Variants in KLF13 observed in about 807,000 individuals in gnomAD.
KLF13 encodes Krueppel-like factor 13.
A neutral mutation model predicts 16.7 loss-of-function variants in KLF13; 8 were observed. That is an observed-to-expected ratio of 0.48 (90% CI 0.28 to 0.87). The LOEUF (loss-of-function observed/expected upper bound fraction) is 0.87, where lower values mean the gene tolerates loss of function less well. Among genes scored for constraint, KLF13 ranks in the 40% least tolerant of loss-of-function variants. The probability of loss-of-function intolerance (pLI) is 0.10; values close to 1 mark genes in which losing one functional copy is unlikely to be tolerated. For missense variants in KLF13, 447 were observed against 452.2 expected (o/e 0.99, Z 0.10); for synonymous variants, 245 against 208.4 (o/e 1.18, Z -1.51).
At chr15:31,342,415 G>A (rs1467365603) in intron 1 of KLF13, among the ~76,000 whole-genome samples, 1 of 152,230 alleles carries the variant, frequency 6.6e-6, no homozygotes, top group Non-Finnish European at 1.5e-5. Flanking sequence ...CTGAGACCCA[G>A]GCACCATGAC....
chr15:31,434,771 C>T (rs1022183280), intron 1 of KLF13, among the ~76,000 whole-genome samples: 2 of 152,222 alleles, frequency 1.3e-5, no homozygotes, highest in African/African-American at 4.8e-5. Flanking sequence ...CAGCCCACGC[C>T]TCCCTGCCCC....
chr15:31,400,606 C>T (rs147516536), intron 2 of KLF13, among the ~76,000 whole-genome samples: 2 of 151,934 alleles, frequency 1.3e-5, no homozygotes, highest in Non-Finnish European at 2.9e-5. Context: ...GGGTGAGGTG[C>T]CCTGCAGGGA....
chr15:31,355,827 CCCCAGCCCCCCATTTGTCCCCACACA>C (rs1176913793), intron 1 of KLF13, among the ~76,000 whole-genome samples: 1 of 151,832 alleles, frequency 6.6e-6, no homozygotes, highest in Non-Finnish European at 1.5e-5. Flanking sequence ...GTCCCCACAC[CCCCAGCCCCCCATTTGTCCCCACACA>C]CCCAGTGTGG....
intron 1 of KLF13, among the ~76,000 whole-genome samples, chr15:31,365,471 G>A (rs951468877): frequency 1.3e-5 from 2 of 152,150 alleles, no homozygotes; most frequent in Non-Finnish European, 2.9e-5. Flanking sequence ...AGGCCCTTGC[G>A]GCAGACGCTG....
At chr15:31,340,360 C>G (rs2039000639) in intron 1 of KLF13, among the ~76,000 whole-genome samples, 1 of 152,248 alleles carries the variant, frequency 6.6e-6, no homozygotes. Context: ...GTTGCTTGTG[C>G]ACACCCCAAG....
chr15:31,402,566 G>A (rs889985275), intron 2 of KLF13, among the ~76,000 whole-genome samples: 1 of 152,216 alleles, frequency 6.6e-6, no homozygotes, highest in African/African-American at 2.4e-5. Context: ...GCAGGGTCTC[G>A]TGCTCAGGTC....
In KLF13 at chr15:31,431,483, T is replaced by C. The variant is rs57304224; in HGVS notation, n.118-3887T>C. On this transcript the variant is annotated intron_variant and non_coding_transcript_variant, in intron 1 of 1. Transcript: ENST00000558225. ...AGCAACATGGTTAAATTTTTTTTTT[T>C]AGACAGAGTCTCCCTCTGTCGCCCA... Among the ~76,000 whole-genome samples, 948 of 152,206 alleles carry C rather than the reference T, an allele frequency of 6.2e-3. 12 individuals carry two copies. Among genetic ancestry groups the C allele is most frequent in the African/African-American group, 0.021 (891 of 41,508 alleles).
upstream of KLF13, among the ~76,000 whole-genome samples, chr15:31,392,487 C>T (rs1469816791): frequency 6.6e-6 from 1 of 152,180 alleles, no homozygotes; most frequent in South Asian, 2.1e-4. Flanking sequence ...GCGTCCTTTT[C>T]CCCCGGGTCC....
At chr15:31,428,781 C>T (rs142475801) in intron 1 of KLF13, among the ~76,000 whole-genome samples, 3,128 of 105,736 alleles carry the variant, frequency 0.03, 50 homozygotes, top group Middle Eastern at 0.096. Flanking sequence ...CTGGCCTGGG[C>T]GAAAGAGTGA....
intron 1 of KLF13, among the ~76,000 whole-genome samples, chr15:31,423,964 A>T (rs770095413): frequency 7.2e-5 from 11 of 152,212 alleles, no homozygotes; most frequent in Non-Finnish European, 1.6e-4. Context: ...TTTGAGACAA[A>T]TGCCAACAAA....
chr15:31,354,402 CAG>C (rs1285823478), intron 1 of KLF13, among the ~76,000 whole-genome samples: 1 of 152,138 alleles, frequency 6.6e-6, no homozygotes, highest in Non-Finnish European at 1.5e-5. Context: ...GTTTTTGAGA[CAG>C]AGTTACACTC....
chr15:31,335,453 GTGTGTGTGTGTGTGTGTGTGTGTA>G (rs1187951768), intron 1 of KLF13, among the ~76,000 whole-genome samples: 5 of 92,598 alleles, frequency 5.4e-5, no homozygotes, highest in East Asian at 3.6e-4. Context: ...GTGTGTGTGT[GTGTGTGTGTGTGTGTGTGTGTGTA>G]TGGTGGCGGG....
chr15:31,339,128 A>G (rs2038981417), intron 1 of KLF13, among the ~76,000 whole-genome samples: 1 of 152,136 alleles, frequency 6.6e-6, no homozygotes, highest in Non-Finnish European at 1.5e-5. Flanking sequence ...GGGTCCTCCT[A>G]CACAGCAGAA....
intron 1 of KLF13, among the ~76,000 whole-genome samples, chr15:31,367,494 A>G (rs2039492931): frequency 6.6e-6 from 1 of 152,134 alleles, no homozygotes; most frequent in Non-Finnish European, 1.5e-5. Context: ...CCAACGTCCC[A>G]TCCATTGGAT....
intron 1 of KLF13, among the ~76,000 whole-genome samples, chr15:31,423,120 T>TATGTATATATAC (rs2040353756): frequency 7.8e-6 from 1 of 128,132 alleles, no homozygotes; most frequent in African/African-American, 3.6e-5. Flanking sequence ...TACGTATATA[T>TATGTATATATAC]ACGTATATAT....
chr15:31,421,384 TG>T (rs1317966954), intron 1 of KLF13, among the ~76,000 whole-genome samples: 4 of 152,210 alleles, frequency 2.6e-5, no homozygotes, highest in Non-Finnish European at 4.4e-5. Context: ...AATATTCTAA[TG>T]GTGGTACATA....
intron 1 of KLF13, among the ~76,000 whole-genome samples, chr15:31,331,284 T>C (rs2038827256): frequency 6.6e-6 from 1 of 152,114 alleles, no homozygotes; most frequent in African/African-American, 2.4e-5. Context: ...ACCCGAGGCA[T>C]GTTTGTGGTC....
chr15:31,385,144 C>G (rs138162143), intron 1 of KLF13, among the ~76,000 whole-genome samples: 7 of 152,336 alleles, frequency 4.6e-5, no homozygotes, highest in Non-Finnish European at 8.8e-5. Context: ...CCACCAGACG[C>G]TGGATCTGTC....
chr15:31,429,045 C>G (rs1320246406), intron 1 of KLF13, among the ~76,000 whole-genome samples: 2 of 152,120 alleles, frequency 1.3e-5, no homozygotes, highest in African/African-American at 4.8e-5. Context: ...TGCTCACAAA[C>G]TATTAAGAAT....
Sources: allele counts gnomAD v4.1 joint callset (sites outside exome capture counted in the v4.1 genomes callset), GRCh38; gene constraint gnomAD v4.1.1; transcripts MANE v1.5; gene names NCBI Gene and HGNC (gene_info 2026-07-23, HGNC 2026-07-21).